CEP128: variants seen among roughly 807,000 people sequenced by gnomAD.
CEP128 encodes the protein centrosomal protein 128kDa.
In CEP128, 132 loss-of-function variants were observed where a neutral mutation model predicts 156.7. The ratio of observed to expected loss-of-function variants is 0.84; its 90% CI spans 0.73 to 0.97. CEP128 has a LOEUF of 0.97. Among genes scored for constraint, CEP128 ranks in the 50% least tolerant of loss-of-function variants. The pLI is 0.00. For missense variants in CEP128, 1,252 were observed against 1,281.9 expected, an observed-to-expected ratio of 0.98 and a Z score of 0.36; for synonymous variants, 469 against 448.9, an observed-to-expected ratio of 1.04 and a Z score of -0.57.
At chr14:80,583,381 T>C (rs1043865897) in intron 19 of CEP128, among the ~76,000 whole-genome samples, 9 of 152,178 alleles carry the variant, frequency 5.9e-5, no homozygotes, top group Non-Finnish European at 1.2e-4. Flanking sequence ...CCTGTTCCTC[T>C]TTTCCACATG....
chr14:80,867,967 A>T (rs1887848020), intron 8 of CEP128, among the ~76,000 whole-genome samples: 1 of 152,186 alleles, frequency 6.6e-6, no homozygotes, highest in African/African-American at 2.4e-5. Context: ...AGCATGAGAG[A>T]AACAACTCAT....
chr14:80,701,105 CT>C (rs1897059577), intron 19 of CEP128, among the ~76,000 whole-genome samples: 1 of 152,130 alleles, frequency 6.6e-6, no homozygotes, highest in Non-Finnish European at 1.5e-5. Flanking sequence ...CTTCTTGGCC[CT>C]TGTTCTAGAC....
chr14:80,485,688 C>A (rs910572852), downstream of CEP128, among the ~76,000 whole-genome samples: 1 of 151,924 alleles, frequency 6.6e-6, no homozygotes, highest in Non-Finnish European at 1.5e-5. Context: ...CATAATAGGT[C>A]CACAAGAATT....
rs573572660 is a variant in CEP128, at chr14:80,785,478, C to A, written c.1628G>T (p.Arg543Leu). ...YAALQQIENL[R>L]KELNDVLTKR... ...TGTTAGGACATCATTCAATTCCTTT[C>A]GAAGATTCTCTATTTGTTGTAATGC... The change falls in exon 15 of 25, where the codon CGA (arginine) becomes CTA (leucine). Residue 543 changes from arginine (R) to leucine (L), a missense_variant. Physicochemically the swap from Arg to Leu is moderately radical, Grantham distance 102 (BLOSUM62 -2). Coordinates refer to ENST00000555265, the MANE Select transcript of CEP128 (RefSeq NM_152446.5). The A allele has an allele frequency of 1.1e-5, 17 of 1,613,656 alleles. No individual in the cohort carries two copies. Among genetic ancestry groups the A allele is most frequent in the East Asian group, 2.2e-5 (1 of 44,878 alleles).
Position 80,530,855 on chromosome 14 carries a change from G to A in CEP128, c.2912C>T (p.Ser971Phe). 6.2e-7 allele frequency: 1 copy of A among 1,609,512 alleles called. No homozygotes were observed. Among genetic ancestry groups the A allele is most frequent in the South Asian group, 1.1e-5 (1 of 90,020 alleles). Residue 971 changes from serine to phenylalanine, a missense_variant, in exon 22 of 25, where the codon TCT becomes TTT. Ser to Phe is a radical substitution (Grantham distance 155). Coordinates refer to ENST00000555265, the MANE Select transcript of CEP128 (RefSeq NM_152446.5). ...STQVALDHLE[S>F]VPEKLSLLED... The stretch of plus-strand genomic sequence containing the variant: ...TAGTAGGCTCAGTTTCTCAGGCACA[G>A]ACTCCAGATGGTCCAAGGCCACTTG...
chr14:80,751,176 C>T (rs1201199192), intron 18 of CEP128, among the ~76,000 whole-genome samples: 3 of 152,170 alleles, frequency 2.0e-5, no homozygotes, highest in Non-Finnish European at 4.4e-5. Flanking sequence ...TTCGTTATGG[C>T]AGCCTGAACA....
intron 22 of CEP128, chr14:80,527,393 T>G (rs1269625363): frequency 1.1e-5 from 2 of 186,074 alleles, no homozygotes; most frequent in Non-Finnish European, 2.3e-5. Flanking sequence ...ATTGTGCTAC[T>G]GCACTACAGC....
At chr14:80,872,135 C>A (rs1356851546) in intron 8 of CEP128, among the ~76,000 whole-genome samples, 6 of 152,056 alleles carry the variant, frequency 3.9e-5, no homozygotes, top group Admixed American at 1.3e-4. Context: ...CTATAGAAAA[C>A]TAAAATAGAA....
intron 24 of CEP128, 136 bp from the exon 25 acceptor site, chr14:80,497,718 A>G (rs1459808419): frequency 3.1e-6 from 2 of 638,412 alleles, no homozygotes; most frequent in Admixed American, 3.0e-5. Flanking sequence ...ACATGGACTA[A>G]CAGACCTCCA....
At chr14:80,880,671 A>G (rs954693461) in intron 8 of CEP128, among the ~76,000 whole-genome samples, 3 of 147,140 alleles carry the variant, frequency 2.0e-5, no homozygotes, top group Non-Finnish European at 4.5e-5. Context: ...CCTGGCTAAC[A>G]CAGTGAAACC....
chr14:80,846,910 T>C (rs951994748), intron 9 of CEP128, among the ~76,000 whole-genome samples: 1 of 152,178 alleles, frequency 6.6e-6, no homozygotes, highest in African/African-American at 2.4e-5. Context: ...CATTATTCAA[T>C]ACTAGGCCAA....
chr14:80,505,212 C>T (rs1289653233), intron 23 of CEP128, among the ~76,000 whole-genome samples, 192 bp from the exon 24 acceptor site: 1 of 152,174 alleles, frequency 6.6e-6, no homozygotes. Flanking sequence ...GAAGAAATCA[C>T]CCATTGCTAT....
intron 19 of CEP128, among the ~76,000 whole-genome samples, chr14:80,629,982 G>T (rs1893897198): frequency 6.6e-6 from 1 of 151,914 alleles, no homozygotes; most frequent in South Asian, 2.1e-4. Flanking sequence ...CATGTAGCTT[G>T]TAAGTTCCTA....
chr14:80,577,994 G>T (rs531329332), intron 20 of CEP128, among the ~76,000 whole-genome samples: 7 of 152,192 alleles, frequency 4.6e-5, no homozygotes, highest in Non-Finnish European at 8.8e-5. Context: ...TACTTGGATT[G>T]CCACCCCACT....
chr14:80,820,285 T>C (rs1467230621), intron 13 of CEP128, among the ~76,000 whole-genome samples: 3 of 152,360 alleles, frequency 2.0e-5, no homozygotes, highest in East Asian at 1.9e-4. Flanking sequence ...TTTCCTGATA[T>C]GCCAGTTAGT....
At chr14:80,480,380 AC>A (rs1388071774) in intron 14 of CEP128, among the ~76,000 whole-genome samples, 1 of 152,150 alleles carries the variant, frequency 6.6e-6, no homozygotes, top group Non-Finnish European at 1.5e-5. Flanking sequence ...GCTCAACACC[AC>A]GTGGAAGCTG....
intron 19 of CEP128, among the ~76,000 whole-genome samples, chr14:80,667,966 G>A (rs1895692982): frequency 1.3e-5 from 2 of 151,870 alleles, no homozygotes; most frequent in African/African-American, 4.8e-5. Context: ...TACTGATAAT[G>A]ATAATGACAC....
At chr14:80,483,795 T>C (rs924333888) in intron 14 of CEP128, among the ~76,000 whole-genome samples, 3 of 152,208 alleles carry the variant, frequency 2.0e-5, no homozygotes, top group Non-Finnish European at 4.4e-5. Context: ...AATACAGTAA[T>C]CATGTTTGTA....
intron 16 of CEP128, among the ~76,000 whole-genome samples, chr14:80,764,644 T>A (rs1217408093): frequency 6.6e-6 from 1 of 152,212 alleles, no homozygotes; most frequent in Non-Finnish European, 1.5e-5. Flanking sequence ...TAAAGATCAG[T>A]AAATTCAACT....
Sources: allele counts gnomAD v4.1 joint callset (sites outside exome capture counted in the v4.1 genomes callset), GRCh38; gene constraint gnomAD v4.1.1; transcripts MANE v1.5; gene names NCBI Gene and HGNC (gene_info 2026-07-23, HGNC 2026-07-21).